The following DPYD variants were observed in gnomAD, a reference collection of about 807,000 sequenced individuals.
The protein encoded by DPYD is dihydropyrimidine dehydrogenase, also known as dihydropyrimidine dehydrogenase [NADP(+)].
Under a neutral mutation model 116.2 loss-of-function variants are expected in DPYD, and 109 were observed. That is an observed-to-expected ratio of 0.94 (90% CI 0.80 to 1.10). The LOEUF (loss-of-function observed/expected upper bound fraction) is 1.10, where lower values mean the gene tolerates loss of function less well. DPYD is among the 50% of genes least tolerant of loss of function. DPYD has a pLI of 0.00. For missense variants in DPYD, 1,302 were observed against 1,254.5 expected, an observed-to-expected ratio of 1.04 and a Z score of -0.57; for synonymous variants, 440 against 432.0, an observed-to-expected ratio of 1.02 and a Z score of -0.23.
chr1:97,611,670 C>T (rs1479288636), intron 8 of DPYD, among the ~76,000 whole-genome samples: 2 of 151,894 alleles, frequency 1.3e-5, no homozygotes, highest in African/African-American at 2.4e-5. Context: ...TAGACAAATC[C>T]GAGCCAGAAC....
In DPYD at chr1:97,097,565, A is replaced by G. The variant is rs896131785; in HGVS notation, c.2766+924T>C. Among the ~76,000 whole-genome samples, 5 of 151,956 alleles carry G rather than the reference A, an allele frequency of 3.3e-5. No individual in the cohort carries two copies. The East Asian group carries it at 9.7e-4, about 29-fold the overall frequency. ...CAGAATGCCATCCAGTAACACCTCC[A>G]TTTTTCTCATTATGACTGCTTGGAA... On this transcript the variant is annotated intron_variant, in intron 21 of 22. Transcript: ENST00000370192.
chr1:97,813,705 T>C (rs1668436720), intron 3 of DPYD, among the ~76,000 whole-genome samples: 1 of 152,184 alleles, frequency 6.6e-6, no homozygotes, highest in South Asian at 2.1e-4. Context: ...GACAGAGCTA[T>C]AAGCCTGAAG....
intron 14 of DPYD, among the ~76,000 whole-genome samples, chr1:97,415,520 A>C (rs1674244386): frequency 6.6e-6 from 1 of 152,068 alleles, no homozygotes; most frequent in African/African-American, 2.4e-5. Context: ...GTGGGGTTTC[A>C]CATGTTGGCC....
At position 97,540,393 on chromosome 1, in the gene DPYD, A is replaced by G. The variant is rs928020354; in HGVS notation, c.1524+9167T>C. 4.7e-5 allele frequency among the ~76,000 whole-genome samples: 7 copies of G among 150,298 alleles called. 1 individual carries two copies. The highest frequency in any genetic ancestry group is 3.9e-4 in the Admixed American group (6 of 15,190). On this transcript the variant is annotated intron_variant, in intron 12 of 22. Transcript: ENST00000370192. The stretch of plus-strand genomic sequence containing the variant: ...AAAACAAAACAAAACAAAACAAAAC[A>G]AAAACCAAACTTTTACTAGTTTATT...
chr1:97,110,973 G>T (rs1651551244), intron 20 of DPYD, among the ~76,000 whole-genome samples: 1 of 151,680 alleles, frequency 6.6e-6, no homozygotes, highest in Non-Finnish European at 1.5e-5. Context: ...TTTGAGACCA[G>T]CCTGGGCAAC....
rs570971116 is a variant in DPYD at position 97,896,350 on chromosome 1, G to C, written c.40-12976C>G. 1.5e-4 allele frequency among the ~76,000 whole-genome samples: 23 copies of C among 151,862 alleles called. No homozygotes were observed. The East Asian group carries it at 4.3e-3, about 28-fold the overall frequency. ...CATATCTCCAATTTAAAGTGAAAAAGAGAAACATTCAGCTACCCACTGAGT... is the reference window on the plus strand; with the variant it reads ...CATATCTCCAATTTAAAGTGAAAAACAGAAACATTCAGCTACCCACTGAGT... On this transcript the variant is annotated intron_variant, in intron 1 of 22. Transcript: ENST00000370192.
intron 13 of DPYD, among the ~76,000 whole-genome samples, chr1:97,458,178 C>A (rs543107855): frequency 1.4e-4 from 21 of 152,168 alleles, no homozygotes; most frequent in Non-Finnish European, 2.8e-4. Flanking sequence ...AGTATTAGAG[C>A]AGAATTTTCA....
chr1:97,591,844 TA>T (rs542142136), intron 10 of DPYD, among the ~76,000 whole-genome samples: 87 of 147,882 alleles, frequency 5.9e-4, no homozygotes, highest in Non-Finnish European at 1.1e-3. Flanking sequence ...TTTCTATGTG[TA>T]AAAAAAAACC....
chr1:97,560,069 A>T (rs1463752731), intron 11 of DPYD, among the ~76,000 whole-genome samples: 1 of 152,190 alleles, frequency 6.6e-6, no homozygotes, highest in Admixed American at 6.6e-5. Context: ...AAAAATCCAC[A>T]GAAGCATTTG....
At chr1:97,600,173 C>T (rs1655160521) in intron 8 of DPYD, among the ~76,000 whole-genome samples, 2 of 152,176 alleles carry the variant, frequency 1.3e-5, no homozygotes, top group Admixed American at 1.3e-4. Flanking sequence ...AATAAAACAA[C>T]ACTGATTGTC....
intron 14 of DPYD, among the ~76,000 whole-genome samples, chr1:97,436,845 T>C (rs563562842): frequency 2.0e-5 from 3 of 152,022 alleles, no homozygotes; most frequent in South Asian, 2.1e-4. Flanking sequence ...GACTGGTAAC[T>C]TGAAGAGTTG....
Position 97,444,987 on chromosome 1 carries a change from C to T in DPYD, c.1905+5072G>A, listed in dbSNP as rs530416357. Among the ~76,000 whole-genome samples, 13 of 152,174 alleles carry T rather than the reference C, an allele frequency of 8.5e-5. No individual in the cohort carries two copies. The South Asian group carries it at 1.2e-3, about 15-fold the overall frequency. ...ATACCAAATTATAAAGGAGACCTAA[C>T]GGCATGCCAGGCAAAGGTAAAAACA... On this transcript the variant is annotated intron_variant, in intron 14 of 22. Coordinates refer to ENST00000370192, the MANE Select transcript of DPYD (RefSeq NM_000110.4).
At chr1:97,350,954 C>T (rs1670108677) in intron 16 of DPYD, among the ~76,000 whole-genome samples, 1 of 152,090 alleles carries the variant, frequency 6.6e-6, no homozygotes. Context: ...TATAGAAAAG[C>T]CACTATGTTT....
chr1:97,216,253 T>C (rs1241545139), intron 19 of DPYD, among the ~76,000 whole-genome samples: 2 of 151,822 alleles, frequency 1.3e-5, no homozygotes, highest in Non-Finnish European at 2.9e-5. Context: ...ACATATATGA[T>C]GCACAGATAC....
intron 18 of DPYD, among the ~76,000 whole-genome samples, chr1:97,282,387 T>C (rs1051953072): frequency 2.0e-5 from 3 of 152,114 alleles, no homozygotes; most frequent in African/African-American, 7.2e-5. Context: ...TTTACAAAGC[T>C]TTCCTTTACC....
intron 18 of DPYD, among the ~76,000 whole-genome samples, chr1:97,267,722 C>T (rs1557985866): frequency 6.6e-6 from 1 of 152,102 alleles, no homozygotes; most frequent in Non-Finnish European, 1.5e-5. Context: ...CACCTCACAC[C>T]TCTTATTGCT....
chr1:97,741,490 G>C (rs1413846826), intron 3 of DPYD, among the ~76,000 whole-genome samples: 1 of 152,094 alleles, frequency 6.6e-6, no homozygotes, highest in African/African-American at 2.4e-5. Context: ...CCTCTGAAGT[G>C]ATTCTAGTGT....
At chr1:97,494,380 T>G (rs1335569811) in intron 13 of DPYD, among the ~76,000 whole-genome samples, 2 of 152,062 alleles carry the variant, frequency 1.3e-5, no homozygotes, top group South Asian at 2.1e-4. Flanking sequence ...AGAATTTAAA[T>G]TTAGCATGAT....
At chr1:97,146,639 C>T (rs1310771258) in intron 20 of DPYD, among the ~76,000 whole-genome samples, 2 of 152,122 alleles carry the variant, frequency 1.3e-5, no homozygotes, top group Non-Finnish European at 2.9e-5. Context: ...CTTTTCTAGC[C>T]ATTTTTTAAA....
Sources: gnomAD v4.1 joint callset for allele counts (sites outside exome capture counted in the v4.1 genomes callset) on GRCh38, gnomAD v4.1.1 for gene constraint, MANE v1.5 for transcripts, NCBI Gene and HGNC (gene_info 2026-07-23, HGNC 2026-07-21) for gene names.